The following MRPS22 variants were observed in gnomAD, a reference collection of about 807,000 sequenced individuals.
MRPS22 encodes mitochondrial ribosomal protein S22.
Under a neutral mutation model 44.0 loss-of-function variants are expected in MRPS22, and 30 were observed. The ratio of observed to expected loss-of-function variants is 0.68; its 90% CI spans 0.51 to 0.93. The LOEUF (loss-of-function observed/expected upper bound fraction) is 0.93, where lower values mean the gene tolerates loss of function less well. Among genes scored for constraint, MRPS22 ranks in the 40% least tolerant of loss-of-function variants. The pLI is 0.00. For missense variants in MRPS22, 447 were observed against 447.8 expected, an observed-to-expected ratio of 1.00 and a Z score of 0.02; for synonymous variants, 165 against 154.4, an observed-to-expected ratio of 1.07 and a Z score of -0.51.
At chr3:139,348,072 G>T in intron 2 of MRPS22, 88 bp from the exon 3 acceptor site, 2 of 1,380,526 alleles carry the variant, frequency 1.4e-6, no homozygotes, top group African/African-American at 1.4e-5. Context: ...GCAGGTTTTT[G>T]CATTTTTTAT....
intron 2 of MRPS22, 108 bp downstream of exon 2, chr3:139,347,152 A>T: frequency 8.1e-7 from 1 of 1,229,908 alleles, no homozygotes; most frequent in Admixed American, 1.7e-5. Flanking sequence ...GGCACTAGTG[A>T]AAGGTAATAC....
intron 1 of MRPS22, 152 bp downstream of exon 1, chr3:139,344,350 C>A: frequency 1.2e-6 from 1 of 862,118 alleles, no homozygotes; most frequent in Non-Finnish European, 1.9e-6. Context: ...TAGAGTTTGT[C>A]ATCACCTGCA....
chr3:139,348,230 C>T lies in MRPS22; in HGVS notation c.410C>T (p.Pro137Leu). The T allele has an allele frequency of 6.2e-7, 1 of 1,613,984 alleles. No individual in the cohort carries two copies. The highest frequency in any genetic ancestry group is 1.6e-4 in the Middle Eastern group (1 of 6,062). ...CCACCAGTTCTGGAAGAGCGAGTAC[C>T]AATAAATGATGTGTTAGCTGAAGAT... is the stretch of plus-strand genomic sequence containing the variant. Reference protein sequence around the residue: ...KMPPVLEERVPINDVLAEDKI... With the variant: ...KMPPVLEERVLINDVLAEDKI... Residue 137 changes from proline to leucine, a missense_variant, in exon 3 of 8, where the codon CCA becomes CTA. Physicochemically the swap from Pro to Leu is moderately conservative, Grantham distance 98. Transcript: ENST00000680020.
intron 1 of MRPS22, chr3:139,344,418 G>T: frequency 3.1e-6 from 2 of 648,162 alleles, no homozygotes; most frequent in Non-Finnish European, 2.8e-6. Flanking sequence ...TCCGTGCAGA[G>T]CACTGTGCTA....
At chr3:139,352,847 C>A (rs1000515840) in intron 6 of MRPS22, 55 bp downstream of exon 6, 10 of 1,561,658 alleles carry the variant, frequency 6.4e-6, no homozygotes, top group Non-Finnish European at 7.9e-6. Context: ...AACAGTTCAT[C>A]TGTATTTAGG....
intron 5 of MRPS22, chr3:139,351,422 C>T (rs1941149583): frequency 5.7e-6 from 2 of 350,810 alleles, no homozygotes; most frequent in African/African-American, 2.1e-5. Flanking sequence ...TCTTACAGCT[C>T]AGTAAGTATT....
intron 1 of MRPS22, among the ~76,000 whole-genome samples, chr3:139,346,417 C>A (rs901889023): frequency 6.6e-6 from 1 of 152,166 alleles, no homozygotes; most frequent in African/African-American, 2.4e-5. Flanking sequence ...CATCTAGGAT[C>A]CAGAACCAGA....
intron 4 of MRPS22, 28 bp from the exon 5 acceptor site, chr3:139,350,949 T>A: frequency 6.3e-7 from 1 of 1,588,916 alleles, no homozygotes; most frequent in South Asian, 1.1e-5. Context: ...TGTTCTCATG[T>A]GATGCTAACT....
At chr3:139,352,048 GGA>G (rs904725912) in intron 5 of MRPS22, 5 of 154,580 alleles carry the variant, frequency 3.2e-5, no homozygotes, top group Admixed American at 2.5e-4. Context: ...TAGGGGAAAG[GGA>G]GAGTAGTGAA....
At chr3:139,348,048 A>C in intron 2 of MRPS22, 112 bp from the exon 3 acceptor site, 1 of 1,122,364 alleles carries the variant, frequency 8.9e-7, no homozygotes, top group East Asian at 2.6e-5. Flanking sequence ...TTGTGGCTAC[A>C]CCTTCTTTTC....
intron 6 of MRPS22, among the ~76,000 whole-genome samples, chr3:139,355,181 T>C (rs1941223386): frequency 6.6e-6 from 1 of 152,168 alleles, no homozygotes; most frequent in Non-Finnish European, 1.5e-5. Context: ...CTTGGAATCT[T>C]AGGGGGCCTC....
At chr3:139,351,205 G>A in intron 5 of MRPS22, 145 bp downstream of exon 5, 1 of 670,406 alleles carries the variant, frequency 1.5e-6, no homozygotes, top group Non-Finnish European at 2.7e-6. Context: ...ACAGTTGTGT[G>A]CCAGATATAT....
At position 139,355,673 on chromosome 3, in the gene MRPS22, C is replaced by G; in HGVS notation, c.879-9C>G. 1.2e-6 allele frequency: 2 copies of G among 1,609,406 alleles called. No homozygotes were observed. The highest frequency in any genetic ancestry group is 2.2e-5 in the South Asian group (2 of 90,952). ...ACCCCTAGATAACATTAAACCCTTT[C>G]ATTCTCAGAATCGATGATGCAACCA... On this transcript the variant is annotated splice_polypyrimidine_tract_variant and intron_variant, in intron 6 of 7. Transcript: ENST00000680020.
At chr3:139,355,824 G>C (rs200589892) in intron 7 of MRPS22, 34 bp downstream of exon 7, 1 of 1,524,124 alleles carries the variant, frequency 6.6e-7, no homozygotes, top group Admixed American at 1.7e-5. Context: ...TTGTTTTGTG[G>C]TGGTAATTGA....
At chr3:139,348,766 T>G (rs893160540) in intron 3 of MRPS22, among the ~76,000 whole-genome samples, 8 of 152,198 alleles carry the variant, frequency 5.3e-5, no homozygotes, top group Non-Finnish European at 1.0e-4. Flanking sequence ...TCATAAAGGA[T>G]TTTCGCTTTC....
chr3:139,346,944 C>A lies in MRPS22; in HGVS notation c.239C>A (p.Thr80Lys). ...GATGAGGAAGTTCAAAGCATACTCA[C>A]GAAAATGACAGGCTTGAACTTGCAG... ...FMDEEVQSIL[T>K]KMTGLNLQKT... is the part of the protein sequence containing the mutation. The change falls in exon 2 of 8, where the codon ACG becomes AAG. Residue 80 changes from threonine (T) to lysine (K), a missense_variant. Physicochemically the swap from Thr to Lys is moderately conservative, Grantham distance 78 (BLOSUM62 -1). Coordinates refer to ENST00000680020, the MANE Select transcript of MRPS22 (RefSeq NM_020191.4). The A allele has an allele frequency of 1.2e-6, 2 of 1,614,118 alleles. No individual in the cohort carries two copies. The highest frequency in any genetic ancestry group is 2.2e-5 in the South Asian group (2 of 91,082).
intron 1 of MRPS22, 76 bp from the exon 2 acceptor site, chr3:139,346,802 T>G: frequency 6.7e-7 from 1 of 1,499,878 alleles, no homozygotes; most frequent in Non-Finnish European, 9.3e-7. Flanking sequence ...TTTTTATTGT[T>G]AACTGACTTT....
Position 139,344,180 on chromosome 3 carries a change from C to T in MRPS22, c.154C>T (p.Arg52Trp), listed in dbSNP as rs1289242892. 6.2e-7 allele frequency: 1 copy of T among 1,610,510 alleles called. No individual in the cohort carries two copies. The highest frequency in any genetic ancestry group is 8.5e-7 in the Non-Finnish European group (1 of 1,178,842). ...CSFEMGLPRRRFSSEAAESGS... is the reference protein window; with the variant it reads ...CSFEMGLPRRWFSSEAAESGS... ...TTTCGAGATGGGGCTGCCACGCCGC[C>T]GGTTCAGCTCCGAGGCCGGTAAGTG... The change falls in exon 1 of 8, where the codon CGG becomes TGG. Residue 52 changes from arginine to tryptophan, a missense_variant. Physicochemically the swap from Arg to Trp is moderately radical, Grantham distance 101. Coordinates refer to ENST00000680020, the MANE Select transcript of MRPS22 (RefSeq NM_020191.4).
At position 139,348,230 on chromosome 3, in the gene MRPS22, C is replaced by G; in HGVS notation, c.410C>G (p.Pro137Arg). Residue 137 changes from proline (P) to arginine (R), a missense_variant, in exon 3 of 8, where the codon CCA becomes CGA. Pro to Arg is a moderately radical substitution (Grantham distance 103). Transcript: ENST00000680020. ...CCACCAGTTCTGGAAGAGCGAGTAC[C>G]AATAAATGATGTGTTAGCTGAAGAT... ...KMPPVLEERV[P>R]INDVLAEDKI... 6.2e-7 allele frequency: 1 copy of G among 1,613,984 alleles called. No homozygotes were observed. The highest frequency in any genetic ancestry group is 8.5e-7 in the Non-Finnish European group (1 of 1,179,920).
Sources: gnomAD v4.1 joint callset for allele counts (sites outside exome capture counted in the v4.1 genomes callset) on GRCh38, gnomAD v4.1.1 for gene constraint, MANE v1.5 for transcripts, NCBI Gene and HGNC (gene_info 2026-07-23, HGNC 2026-07-21) for gene names.